Variants in ZNF69 observed in about 807,000 individuals in gnomAD.
The protein encoded by ZNF69 is zinc finger protein 69, also known as ZNF3.
In ZNF69, 47 loss-of-function variants were observed where a neutral mutation model predicts 50.9. The ratio of observed to expected loss-of-function variants is 0.92; its 90% CI spans 0.73 to 1.18. ZNF69 has a LOEUF of 1.18. Among genes scored for constraint, ZNF69 ranks in the 50% most tolerant of loss-of-function variants. The pLI, the probability that ZNF69 is intolerant of heterozygous loss-of-function variation, is 0.00. For synonymous variants in ZNF69, 216 were observed against 223.1 expected (o/e 0.97, Z 0.29); for missense variants, 717 against 675.1 (o/e 1.06, Z -0.69).
chr19:11,947,181 G>A, the ZNF69 span: 4 of 1,613,418 alleles, frequency 2.5e-6, no homozygotes, highest in African/African-American at 2.7e-5. Flanking sequence ...GATGTTTCAG[G>A]ACCCAGTGGC....
the ZNF69 span, chr19:11,948,187 A>G: frequency 7.0e-7 from 1 of 1,421,608 alleles, no homozygotes; most frequent in Non-Finnish European, 9.7e-7. Flanking sequence ...TTTGATGGAC[A>G]GTGTTAAAAA....
chr19:11,966,274 C>T, the ZNF69 span, among the ~76,000 whole-genome samples: 4 of 152,296 alleles, frequency 2.6e-5, no homozygotes, highest in South Asian at 2.1e-4. Flanking sequence ...ACCTGTCTCA[C>T]CTGCCATCCT....
chr19:11,937,197 G>A, the ZNF69 span, among the ~76,000 whole-genome samples: 2 of 152,190 alleles, frequency 1.3e-5, no homozygotes, highest in Non-Finnish European at 2.9e-5. Flanking sequence ...CGTTCTAGAA[G>A]TTGTGAGTTT....
At chr19:11,923,369 T>C in the ZNF69 span, among the ~76,000 whole-genome samples, 1 of 152,190 alleles carries the variant, frequency 6.6e-6, no homozygotes, top group Admixed American at 6.5e-5. Flanking sequence ...GGCTTAGTTA[T>C]GATAGCTACT....
At chr19:11,925,193 C>T in the ZNF69 span, 4 of 1,611,628 alleles carry the variant, frequency 2.5e-6, no homozygotes, top group Admixed American at 1.7e-5. Context: ...AGGCTTCTGT[C>T]GCTCTGTCGC....
At chr19:11,889,344 G>C (rs1224989199) in intron 1 of ZNF69, among the ~76,000 whole-genome samples, 2 of 152,168 alleles carry the variant, frequency 1.3e-5, no homozygotes, top group African/African-American at 4.8e-5. Flanking sequence ...CTCCTAAAGG[G>C]AGAGGGTATA....
At chr19:11,948,265 A>T in the ZNF69 span, 1 of 1,608,456 alleles carries the variant, frequency 6.2e-7, no homozygotes, top group Non-Finnish European at 8.5e-7. Context: ...TGTGTTTCTC[A>T]TGTTTTACAG....
chr19:11,945,087 C>T, the ZNF69 span, among the ~76,000 whole-genome samples: 1 of 152,240 alleles, frequency 6.6e-6, no homozygotes, highest in Non-Finnish European at 1.5e-5. Context: ...ACTCCAACTG[C>T]CTTTTTTTCT....
At chr19:11,950,274 T>C in the ZNF69 span, 1 of 1,593,928 alleles carries the variant, frequency 6.3e-7, no homozygotes, top group Non-Finnish European at 8.5e-7. Context: ...TTTATGGACA[T>C]GAATAGACTC....
In ZNF69 at chr19:11,887,872, G is replaced by T; in HGVS notation, c.-52G>T. ...GCTGGGATCCGGTCTTTCCAGCCCCGAGAGGGACCTGGTTCCTCTGCCCAG... is the reference window on the plus strand; with the variant it reads ...GCTGGGATCCGGTCTTTCCAGCCCCTAGAGGGACCTGGTTCCTCTGCCCAG... On this transcript the variant is annotated 5_prime_UTR_variant, in exon 1 of 4. Transcript: ENST00000429654. The T allele has an allele frequency of 6.4e-7, 1 of 1,559,454 alleles. No individual in the cohort carries two copies. Among genetic ancestry groups the T allele is most frequent in the Non-Finnish European group, 8.8e-7 (1 of 1,136,350 alleles).
At chr19:11,961,791 T>C in the ZNF69 span, 1 of 151,904 alleles carries the variant, frequency 6.6e-6, no homozygotes, top group African/African-American at 2.4e-5. Context: ...AATTTTTGTA[T>C]TGTTAGTTAG....
chr19:11,911,992 C>G (rs1371007219), intron 4 of ZNF69, among the ~76,000 whole-genome samples: 1 of 150,920 alleles, frequency 6.6e-6, no homozygotes, highest in Non-Finnish European at 1.5e-5. Flanking sequence ...ACTTCCTTTC[C>G]ATATCATGAA....
the ZNF69 span, chr19:11,925,315 T>C: frequency 6.2e-7 from 1 of 1,605,618 alleles, no homozygotes; most frequent in Non-Finnish European, 8.5e-7. Flanking sequence ...GGGGAGGGGC[T>C]GCCTGGAACA....
At chr19:11,951,929 C>CA in the ZNF69 span, among the ~76,000 whole-genome samples, 1 of 152,190 alleles carries the variant, frequency 6.6e-6, no homozygotes, top group Non-Finnish European at 1.5e-5. Context: ...AATCACAGCA[C>CA]ATTGGGAGGC....
the ZNF69 span, among the ~76,000 whole-genome samples, chr19:11,958,195 G>A: frequency 6.6e-6 from 1 of 152,090 alleles, no homozygotes; most frequent in South Asian, 2.1e-4. Context: ...GACTCGTCCT[G>A]AGTTGTATCC....
At chr19:11,915,264 C>A (rs577561866), downstream of ZNF69, among the ~76,000 whole-genome samples, 1 of 152,294 alleles carries the variant, frequency 6.6e-6, no homozygotes, top group Non-Finnish European at 1.5e-5. Context: ...CATCCTTCTC[C>A]CTTGAAGGCC....
intron 1 of ZNF69, among the ~76,000 whole-genome samples, chr19:11,893,418 G>A (rs2145213469): frequency 6.6e-6 from 1 of 152,232 alleles, no homozygotes; most frequent in South Asian, 2.1e-4. Flanking sequence ...ACCACAGCCT[G>A]ACTCTTCAAG....
At chr19:11,968,852 C>A in the ZNF69 span, among the ~76,000 whole-genome samples, 1 of 152,008 alleles carries the variant, frequency 6.6e-6, no homozygotes, top group African/African-American at 2.4e-5. Flanking sequence ...GACCCCATCT[C>A]AATTGTGAAA....
the ZNF69 span, among the ~76,000 whole-genome samples, chr19:11,933,291 G>A: frequency 6.8e-6 from 1 of 147,966 alleles, no homozygotes; most frequent in South Asian, 2.1e-4. Context: ...AAACCATATT[G>A]ACTGTGTGTA....
Sources: allele counts gnomAD v4.1 joint callset (sites outside exome capture counted in the v4.1 genomes callset), GRCh38; gene constraint gnomAD v4.1.1; transcripts MANE v1.5; gene names NCBI Gene and HGNC (gene_info 2026-07-23, HGNC 2026-07-21).